The following ABCB8 variants were observed in gnomAD, a reference collection of about 807,000 sequenced individuals.
ABCB8 encodes ATP binding cassette subfamily B member 8.
ABCB8 carries 52 observed loss-of-function variants against 73.0 expected under a neutral mutation model. The observed-to-expected ratio is 0.71, with a 90% confidence interval of 0.57 to 0.90. ABCB8 has a LOEUF of 0.90. Among genes scored for constraint, ABCB8 ranks in the 40% least tolerant of loss-of-function variants. The pLI is 0.00. For synonymous variants in ABCB8, 428 were observed against 423.5 expected (o/e 1.01, Z -0.13); for missense variants, 909 against 974.6 (o/e 0.93, Z 0.90).
chr7:151,036,438 C>T (rs1239930080), intron 8 of ABCB8, 106 bp from the exon 9 acceptor site: 2 of 1,082,630 alleles, frequency 1.8e-6, no homozygotes, highest in African/African-American at 3.1e-5. Flanking sequence ...AACGCTGGGA[C>T]CAGTCATGCG....
At chr7:151,041,397 A>G (rs1055430172) in intron 13 of ABCB8, among the ~76,000 whole-genome samples, 165 bp downstream of exon 13, 2 of 152,184 alleles carry the variant, frequency 1.3e-5, no homozygotes, top group Admixed American at 6.5e-5. Flanking sequence ...TGGGTGAGGC[A>G]TCCCTGTCGT....
At position 151,036,577 on chromosome 7, in the gene ABCB8, C is replaced by T. The variant is rs753664836; in HGVS notation, c.1145C>T (p.Ser382Phe). Residue 382 changes from serine (S) to phenylalanine (F), a missense_variant, in exon 9 of 16, where the codon TCC (serine) becomes TTC (phenylalanine). Ser to Phe is a radical substitution (Grantham distance 155). Transcript: ENST00000358849. ...TTGGGTACCCTATTTATTGGGGGCT[C>T]CCTTGTGGCCGGACAGCAGCTGACA... ...MVLGTLFIGG[S>F]LVAGQQLTGG... The T allele has an allele frequency of 5.0e-6, 8 of 1,613,934 alleles. No individual in the cohort carries two copies. The South Asian group carries it at 5.5e-5, about 11-fold the overall frequency.
chr7:151,028,495 C>T lies in ABCB8; in HGVS notation c.-21C>T, dbSNP rs373141641. Reference sequence around the variant, plus strand: ...AGGGTGAAACTGCTATTGCCGGCGGCTCCTGTTTTACCGCGTCAGCATGCT... The same window carrying T: ...AGGGTGAAACTGCTATTGCCGGCGGTTCCTGTTTTACCGCGTCAGCATGCT... On this transcript the variant is annotated 5_prime_UTR_variant, in exon 1 of 16. Transcript: ENST00000358849. The T allele has an allele frequency of 1.9e-6, 3 of 1,607,238 alleles. No homozygotes were observed. Among genetic ancestry groups the T allele is most frequent in the African/African-American group, 2.7e-5 (2 of 74,792 alleles).
In ABCB8 at chr7:151,033,644, C is replaced by G; in HGVS notation, c.135C>G (p.Ala45=). 2 of 1,601,706 alleles carry G rather than the reference C, an allele frequency of 1.2e-6. No individual in the cohort carries two copies. Among genetic ancestry groups the G allele is most frequent in the South Asian group, 1.1e-5 (1 of 90,252 alleles). The change falls in exon 2 of 16, where the codon GCC becomes GCG. Residue 45 remains alanine (A), a synonymous_variant. Coordinates refer to ENST00000358849, the MANE Select transcript of ABCB8 (RefSeq NM_007188.5). ...DGYRSSSLLR[A]VAHLRSQLWA... is the part of the protein sequence containing the mutation. ...ACCGCAGCTCCTCCCTCCTCCGGGC[C>G]GTGGCCCACCTGCGGTCCCAGCTCT...
In ABCB8 at chr7:151,032,829, T is replaced by A. The variant is rs936344971; in HGVS notation, c.96-776T>A. The stretch of plus-strand genomic sequence containing the variant: ...AGTTATTAGAATTCTTATTTTTCTC[T>A]GTTTCCTCCTTCAGCTGTGGAGAGG... On this transcript the variant is annotated intron_variant, in intron 1 of 15. Coordinates refer to ENST00000358849, the MANE Select transcript of ABCB8 (RefSeq NM_007188.5). 9.0e-6 allele frequency: 3 copies of A among 334,264 alleles called. No individual in the cohort carries two copies. The Admixed American group carries it at 1.2e-4, about 13-fold the overall frequency. The allele number at this position is 334,264 out of a possible 1,614,324, so 20.7% of individuals were successfully genotyped here. A position where few individuals can be genotyped will look rare whatever the true frequency, so the allele number is the denominator to read the frequency against.
chr7:151,044,430 C>T (rs1003391025), intron 15 of ABCB8, among the ~76,000 whole-genome samples: 8 of 152,182 alleles, frequency 5.3e-5, no homozygotes, highest in Non-Finnish European at 8.8e-5. Context: ...CTTCTGTCCC[C>T]TGGGATAGTA....
chr7:151,044,161 G>C lies in ABCB8; in HGVS notation c.1956G>C (p.Arg652=), dbSNP rs1311755125. 1 of 1,612,676 alleles carries C rather than the reference G, an allele frequency of 6.2e-7. No individual in the cohort carries two copies. Among genetic ancestry groups the C allele is most frequent in the South Asian group, 1.1e-5 (1 of 91,066 alleles). Residue 652 remains arginine, a synonymous_variant, in exon 15 of 16, where the codon CGG becomes CGC. Transcript: ENST00000358849. Reference sequence around the variant, plus strand: ...GCACGGTGCTGGTAATTGCCCACCGGCTCAGCACTGTCCGTGGGGCCCACT... The same window carrying C: ...GCACGGTGCTGGTAATTGCCCACCGCCTCAGCACTGTCCGTGGGGCCCACT... ...AGRTVLVIAH[R]LSTVRGAHCI...
intron 9 of ABCB8, chr7:151,037,402 A>G (rs1376904916): frequency 4.3e-6 from 3 of 695,776 alleles, no homozygotes; most frequent in Non-Finnish European, 7.8e-6. Flanking sequence ...CCCCACCCTT[A>G]TAGCTTATTG....
rs754750639 is a variant in ABCB8 at position 151,034,729 on chromosome 7, A to G, written c.665A>G (p.Asp222Gly). The change falls in exon 5 of 16, where the codon GAC becomes GGC. Residue 222 changes from aspartate (D) to glycine (G), a missense_variant. By Grantham distance (94) the Asp-to-Gly change is moderately conservative (BLOSUM62 -1). Transcript: ENST00000358849. ...TGGTTCTTGTCCCATGCCAGACAAG[A>G]CATCACCTTCTTTGACGCCAATAAG... ...RALFSSLLRQ[D>G]ITFFDANKTG... 11 of 1,614,016 alleles carry G rather than the reference A, an allele frequency of 6.8e-6. No homozygotes were observed. The highest frequency in any genetic ancestry group is 9.3e-6 in the Non-Finnish European group (11 of 1,179,926).
chr7:151,037,428 A>G, intron 9 of ABCB8: 1 of 672,286 alleles, frequency 1.5e-6, no homozygotes. Flanking sequence ...CGTTGGTCCA[A>G]AACCACCCGC....
chr7:151,034,464 G>A (rs1278258269), intron 3 of ABCB8, 36 bp downstream of exon 3: 4 of 1,613,674 alleles, frequency 2.5e-6, no homozygotes, highest in South Asian at 2.2e-5. Flanking sequence ...CCGCCGAGGA[G>A]CCACCCGAGG....
At chr7:151,041,528 G>C (rs946257530) in intron 13 of ABCB8, among the ~76,000 whole-genome samples, 22 of 152,360 alleles carry the variant, frequency 1.4e-4, no homozygotes, top group Admixed American at 5.9e-4. Context: ...TCCAGGTCTA[G>C]AGAAGCCTAT....
At chr7:151,045,083 T>C in intron 15 of ABCB8, 126 bp from the exon 16 acceptor site, 2 of 1,215,772 alleles carry the variant, frequency 1.6e-6, no homozygotes, top group Non-Finnish European at 2.2e-6. Context: ...TTTCAGAGTG[T>C]CCCCAGAAGG....
chr7:151,037,292 A>G (rs1796336437), intron 9 of ABCB8: 2 of 702,932 alleles, frequency 2.8e-6, no homozygotes. Flanking sequence ...AGGCTGTGAC[A>G]TTCCATGCAT....
intron 1 of ABCB8, chr7:151,031,475 A>G (rs1796160856): frequency 2.8e-6 from 2 of 721,962 alleles, no homozygotes; most frequent in Non-Finnish European, 4.2e-6. Flanking sequence ...AAAGGCCATG[A>G]TGGTAAAGAG....
At chr7:151,033,206 T>C (rs1028758222) in intron 1 of ABCB8, 13 of 421,200 alleles carry the variant, frequency 3.1e-5, no homozygotes, top group Non-Finnish European at 5.6e-5. Flanking sequence ...TTTCCTCACC[T>C]CTCTGCACCG....
chr7:151,035,480 TG>T, intron 5 of ABCB8, 100 bp from the exon 6 acceptor site: 1 of 1,390,020 alleles, frequency 7.2e-7, no homozygotes, highest in East Asian at 2.3e-5. Context: ...ACCTGGGCCT[TG>T]GCCGTGGGAG....
rs1796248261 is a variant in ABCB8 at position 151,034,443 on chromosome 7, G to A, written c.564+15G>A. 1 of 1,613,836 alleles carries A rather than the reference G, an allele frequency of 6.2e-7. No homozygotes were observed. The highest frequency in any genetic ancestry group is 8.5e-7 in the Non-Finnish European group (1 of 1,179,966). On this transcript the variant is annotated intron_variant, in intron 3 of 15. Transcript: ENST00000358849. Reference sequence around the variant, plus strand: ...ATGGTGTCCAGGTACAGCCGGGAGTGGGGCTGGGGACCGCCGAGGAGCCAC... The same window carrying A: ...ATGGTGTCCAGGTACAGCCGGGAGTAGGGCTGGGGACCGCCGAGGAGCCAC...
At chr7:151,041,286 C>T (rs1209970491) in intron 13 of ABCB8, 54 bp downstream of exon 13, 1 of 1,543,688 alleles carries the variant, frequency 6.5e-7, no homozygotes, top group African/African-American at 1.4e-5. Context: ...TCCCCTGGGC[C>T]CTGCCCCCTT....
Sources: gnomAD v4.1 joint callset for allele counts (sites outside exome capture counted in the v4.1 genomes callset) on GRCh38, gnomAD v4.1.1 for gene constraint, MANE v1.5 for transcripts, NCBI Gene and HGNC (gene_info 2026-07-23, HGNC 2026-07-21) for gene names.